GRM1: variants seen among roughly 807,000 people sequenced by gnomAD.
GRM1 encodes metabotropic glutamate receptor 1.
Under a neutral mutation model 90.9 loss-of-function variants are expected in GRM1, and 33 were observed. The ratio of observed to expected loss-of-function variants is 0.36; its 90% CI spans 0.28 to 0.49. GRM1 has a LOEUF of 0.49. Ranked by LOEUF, GRM1 falls within the 20% of genes least tolerant of loss-of-function variation. The pLI, the probability that GRM1 is intolerant of heterozygous loss-of-function variation, is 0.99. For synonymous variants in GRM1, 700 were observed against 613.2 expected, an observed-to-expected ratio of 1.14 and a Z score of -2.09; for missense variants, 1,190 against 1,534.3, an observed-to-expected ratio of 0.78 and a Z score of 3.75.
intron 2 of GRM1, among the ~76,000 whole-genome samples, chr6:146,229,896 A>G (rs996413328): frequency 6.6e-6 from 1 of 152,196 alleles, no homozygotes; most frequent in Non-Finnish European, 1.5e-5. Flanking sequence ...GATCACATAA[A>G]TATAGAAGGT....
intron 2 of GRM1, among the ~76,000 whole-genome samples, chr6:146,232,028 T>G (rs1212796185): frequency 6.6e-6 from 1 of 152,144 alleles, no homozygotes; most frequent in African/African-American, 2.4e-5. Flanking sequence ...AAGTCACTGG[T>G]AAAGCCACCT....
intron 1 of GRM1, among the ~76,000 whole-genome samples, chr6:146,036,446 T>A (rs2128838391): frequency 6.6e-6 from 1 of 152,110 alleles, no homozygotes; most frequent in East Asian, 1.9e-4. Flanking sequence ...CAGAGAGTTA[T>A]CATTAGATTC....
chr6:146,305,300 G>A (rs1339146211), intron 3 of GRM1, among the ~76,000 whole-genome samples: 2 of 152,030 alleles, frequency 1.3e-5, no homozygotes, highest in Non-Finnish European at 2.9e-5. Flanking sequence ...TGTGGGCATA[G>A]GGGCCAAGAA....
chr6:146,298,127 A>T (rs1011413867), intron 2 of GRM1, among the ~76,000 whole-genome samples: 3 of 152,208 alleles, frequency 2.0e-5, no homozygotes, highest in African/African-American at 7.2e-5. Context: ...TTCATTCTCT[A>T]CATTCATTTT....
At chr6:146,384,959 G>GA (rs1308070224) in intron 5 of GRM1, among the ~76,000 whole-genome samples, 1 of 151,886 alleles carries the variant, frequency 6.6e-6, no homozygotes, top group Non-Finnish European at 1.5e-5. Context: ...GGCACAAAGA[G>GA]AAAAAATTAA....
intron 2 of GRM1, among the ~76,000 whole-genome samples, chr6:146,164,685 T>C (rs1474963386): frequency 1.3e-5 from 2 of 152,090 alleles, no homozygotes; most frequent in African/African-American, 2.4e-5. Flanking sequence ...CACTAGTAGG[T>C]CCCTTGGCGG....
At chr6:146,332,083 A>C (rs771072905) in intron 3 of GRM1, among the ~76,000 whole-genome samples, 50 of 152,190 alleles carry the variant, frequency 3.3e-4, no homozygotes, top group Non-Finnish European at 6.6e-4. Context: ...GGTAGATTTC[A>C]TGAAATGTGA....
At chr6:146,329,418 G>C (rs918792974) in intron 3 of GRM1, among the ~76,000 whole-genome samples, 2 of 152,158 alleles carry the variant, frequency 1.3e-5, no homozygotes, top group African/African-American at 4.8e-5. Context: ...GTTTTGTGGA[G>C]GATTAAGGTC....
chr6:146,421,253 A>G (rs867314380), intron 7 of GRM1, among the ~76,000 whole-genome samples: 1 of 152,156 alleles, frequency 6.6e-6, no homozygotes, highest in Non-Finnish European at 1.5e-5. Context: ...GTAGGAAAAA[A>G]ACTAAATGGT....
chr6:146,153,842 G>GA (rs1777428134), intron 1 of GRM1, among the ~76,000 whole-genome samples: 1 of 152,168 alleles, frequency 6.6e-6, no homozygotes, highest in African/African-American at 2.4e-5. Flanking sequence ...TATAAATAAA[G>GA]AAATTGGGAC....
At chr6:146,275,808 A>T (rs1409368281) in intron 2 of GRM1, among the ~76,000 whole-genome samples, 1 of 152,192 alleles carries the variant, frequency 6.6e-6, no homozygotes, top group Non-Finnish European at 1.5e-5. Flanking sequence ...ATGATACTGA[A>T]ATTCTTACTT....
intron 1 of GRM1, among the ~76,000 whole-genome samples, chr6:146,066,394 C>T (rs1775848800): frequency 6.6e-6 from 1 of 152,110 alleles, no homozygotes; most frequent in South Asian, 2.1e-4. Flanking sequence ...CTACAAAGGA[C>T]AAGATTTTTT....
intron 1 of GRM1, among the ~76,000 whole-genome samples, chr6:146,036,017 G>A (rs866499073): frequency 6.6e-6 from 1 of 152,088 alleles, no homozygotes; most frequent in African/African-American, 2.4e-5. Flanking sequence ...CATAGGGTAG[G>A]TGGTGATGGC....
rs115698440 is a variant in GRM1 at position 146,159,316 on chromosome 6, G to A, written c.701-32G>A. On this transcript the variant is annotated intron_variant, in intron 1 of 7. Coordinates refer to ENST00000282753, the MANE Select transcript of GRM1 (RefSeq NM_001278064.2). ...TGTAAGTAGTGTTATTGCCACAGTTGTCTTGAACATCTGCTGATTGTTTCT... is the reference window on the plus strand; with the variant it reads ...TGTAAGTAGTGTTATTGCCACAGTTATCTTGAACATCTGCTGATTGTTTCT... 1,613 of 1,613,766 alleles carry A rather than the reference G, an allele frequency of 1.0e-3. 9 individuals carry two copies. The African/African-American group carries it at 0.02, about 20-fold the overall frequency.
intron 5 of GRM1, among the ~76,000 whole-genome samples, chr6:146,378,631 A>G (rs1419777742): frequency 1.3e-5 from 2 of 152,132 alleles, no homozygotes; most frequent in South Asian, 2.1e-4. Context: ...CATTGTGTCT[A>G]GGAAGTAACT....
At chr6:146,431,393 G>T (rs1037298112) in intron 7 of GRM1, among the ~76,000 whole-genome samples, 1 of 152,120 alleles carries the variant, frequency 6.6e-6, no homozygotes, top group East Asian at 1.9e-4. Flanking sequence ...TTAAAAAGAG[G>T]CCCACATAGA....
At chr6:146,160,760 A>G (rs1777695496) in intron 2 of GRM1, among the ~76,000 whole-genome samples, 5 of 152,166 alleles carry the variant, frequency 3.3e-5, no homozygotes, top group Admixed American at 3.3e-4. Flanking sequence ...CACTTGAGGG[A>G]CTTTTTAAAA....
At chr6:146,395,014 T>C (rs1157234352) in intron 6 of GRM1, among the ~76,000 whole-genome samples, 1 of 152,096 alleles carries the variant, frequency 6.6e-6, no homozygotes, top group African/African-American at 2.4e-5. Context: ...CCAGAATAAG[T>C]TGCCTCATTT....
In GRM1 at chr6:146,367,218, G is replaced by A. The variant is rs144936241; in HGVS notation, c.1602+9524G>A. Among the ~76,000 whole-genome samples, 20 of 152,086 alleles carry A rather than the reference G, an allele frequency of 1.3e-4. No homozygotes were observed. In the East Asian group the frequency reaches 3.7e-3, roughly 28 times the overall value. The stretch of plus-strand genomic sequence containing the variant: ...TAGAAAATAAGATGGTTGTAAATAT[G>A]TGAACTCATTTCTGGACTCTCTCGT... On this transcript the variant is annotated intron_variant, in intron 5 of 7. Transcript: ENST00000282753.
Sources: gnomAD v4.1 joint callset for allele counts (sites outside exome capture counted in the v4.1 genomes callset) on GRCh38, gnomAD v4.1.1 for gene constraint, MANE v1.5 for transcripts, NCBI Gene and HGNC (gene_info 2026-07-23, HGNC 2026-07-21) for gene names.